The following SORCS3 variants were observed in gnomAD, a reference collection of about 807,000 sequenced individuals.
The protein encoded by SORCS3 is sortilin related VPS10 domain containing receptor 3, also known as VPS10 domain-containing receptor SorCS3.
Under a neutral mutation model 146.3 loss-of-function variants are expected in SORCS3, and 57 were observed. The ratio of observed to expected loss-of-function variants is 0.39; its 90% CI spans 0.31 to 0.49. The LOEUF (loss-of-function observed/expected upper bound fraction) is 0.49, where lower values mean the gene tolerates loss of function less well. Among genes scored for constraint, SORCS3 ranks in the 20% least tolerant of loss-of-function variants. The pLI is 0.92. For missense variants in SORCS3, 1,341 were observed against 1,575.5 expected, an observed-to-expected ratio of 0.85 and a Z score of 2.52; for synonymous variants, 653 against 618.5, an observed-to-expected ratio of 1.06 and a Z score of -0.83.
At chr10:105,162,900 C>G (rs2056277838) in intron 11 of SORCS3, among the ~76,000 whole-genome samples, 1 of 151,868 alleles carries the variant, frequency 6.6e-6, no homozygotes, top group African/African-American at 2.4e-5. Context: ...TCTATTCTGT[C>G]AAAACCAAAG....
chr10:104,921,130 T>G (rs2019082371), intron 3 of SORCS3, among the ~76,000 whole-genome samples: 1 of 152,200 alleles, frequency 6.6e-6, no homozygotes. Context: ...AGCTTCTCCT[T>G]CCCCTTGCAT....
chr10:105,226,261 C>T (rs938372349), intron 20 of SORCS3, among the ~76,000 whole-genome samples: 1 of 151,822 alleles, frequency 6.6e-6, no homozygotes, highest in Non-Finnish European at 1.5e-5. Context: ...GACTTTTTAT[C>T]ATTAACGATG....
chr10:105,236,784 G>A (rs556749547), intron 20 of SORCS3, among the ~76,000 whole-genome samples: 63 of 152,236 alleles, frequency 4.1e-4, no homozygotes, highest in South Asian at 2.9e-3. Context: ...AATTATCTGT[G>A]TTAAATTGAA....
chr10:104,944,702 A>C (rs918320151), intron 3 of SORCS3, among the ~76,000 whole-genome samples: 1 of 152,220 alleles, frequency 6.6e-6, no homozygotes, highest in Non-Finnish European at 1.5e-5. Flanking sequence ...AGATAATATC[A>C]AGTGTTGGCA....
chr10:104,999,862 A>T (rs1328753382), intron 4 of SORCS3, among the ~76,000 whole-genome samples: 1 of 152,046 alleles, frequency 6.6e-6, no homozygotes, highest in East Asian at 1.9e-4. Context: ...TCCTGTGATT[A>T]TTTTATCCCA....
At chr10:104,892,721 C>CA (rs370321831) in intron 2 of SORCS3, among the ~76,000 whole-genome samples, 91 of 146,506 alleles carry the variant, frequency 6.2e-4, no homozygotes, top group African/African-American at 1.4e-3. Context: ...GATTCTGCCT[C>CA]AAAAAAAAAA....
chr10:105,048,746 A>T (rs1329170485), intron 5 of SORCS3, among the ~76,000 whole-genome samples: 1 of 152,062 alleles, frequency 6.6e-6, no homozygotes, highest in Non-Finnish European at 1.5e-5. Flanking sequence ...GTTTCAAGAC[A>T]GTCTTTCCTT....
intron 1 of SORCS3, chr10:104,664,746 C>T (rs1425127323): frequency 6.6e-6 from 1 of 152,228 alleles, no homozygotes; most frequent in Non-Finnish European, 1.5e-5. Flanking sequence ...TGTGCTTGGG[C>T]TCAGTATTCA....
At chr10:104,686,978 T>TATCC (rs1421566733) in intron 1 of SORCS3, among the ~76,000 whole-genome samples, 1 of 151,918 alleles carries the variant, frequency 6.6e-6, no homozygotes, top group Admixed American at 6.6e-5. Context: ...TCCATTCATC[T>TATCC]ATCCATCCAT....
intron 3 of SORCS3, among the ~76,000 whole-genome samples, chr10:104,940,204 T>TATATATATATATA (rs2019297625): frequency 1.9e-5 from 1 of 53,020 alleles, no homozygotes; most frequent in African/African-American, 4.6e-5. Flanking sequence ...TCCTTTTCTT[T>TATATATATATATA]TATATATATA....
At chr10:104,817,377 CTCCCCCTCCTCCTCCTCCT>C (rs1369848348) in intron 1 of SORCS3, among the ~76,000 whole-genome samples, 7 of 99,984 alleles carry the variant, frequency 7.0e-5, no homozygotes, top group Admixed American at 9.9e-5. Flanking sequence ...TCTCCCCTTC[CTCCCCCTCCTCCTCCTCCT>C]TCCCCCTCCT....
intron 1 of SORCS3, among the ~76,000 whole-genome samples, chr10:104,710,650 T>G (rs2016404239): frequency 6.6e-6 from 1 of 152,154 alleles, no homozygotes; most frequent in African/African-American, 2.4e-5. Flanking sequence ...AGGTTTATGC[T>G]CATCTTCAGA....
At chr10:105,167,153 C>T (rs1416332854) in intron 12 of SORCS3, 105 bp from the exon 13 acceptor site, 2 of 868,750 alleles carry the variant, frequency 2.3e-6, no homozygotes, top group East Asian at 5.1e-5. Flanking sequence ...TGTTGGAAGG[C>T]TCAGAACCTA....
intron 1 of SORCS3, among the ~76,000 whole-genome samples, chr10:104,768,289 G>C (rs1193611503): frequency 6.6e-6 from 1 of 152,204 alleles, no homozygotes; most frequent in Non-Finnish European, 1.5e-5. Flanking sequence ...GAATCATTTA[G>C]AGCAGTCACT....
At chr10:104,826,257 G>T (rs1057218064) in intron 1 of SORCS3, among the ~76,000 whole-genome samples, 10 of 152,188 alleles carry the variant, frequency 6.6e-5, no homozygotes, top group African/African-American at 2.2e-4. Flanking sequence ...ATGTTAGCAT[G>T]CTCACCTTGG....
chr10:104,699,118 C>T (rs1168650179), intron 1 of SORCS3, among the ~76,000 whole-genome samples: 4 of 152,078 alleles, frequency 2.6e-5, no homozygotes, highest in African/African-American at 4.8e-5. Flanking sequence ...ATTCCTGGGA[C>T]GTTTTGCAAA....
chr10:105,177,214 A>G (rs1243649095), intron 13 of SORCS3, among the ~76,000 whole-genome samples: 1 of 152,166 alleles, frequency 6.6e-6, no homozygotes, highest in Non-Finnish European at 1.5e-5. Context: ...TTATGGAAAT[A>G]GAGTAGAATT....
chr10:104,888,352 C>G (rs10509777), intron 2 of SORCS3, among the ~76,000 whole-genome samples: 1 of 152,000 alleles, frequency 6.6e-6, no homozygotes, highest in Non-Finnish European at 1.5e-5. Flanking sequence ...GCTGGCCGAT[C>G]CAAGAAATTG....
At chr10:104,695,868 A>G (rs1431269577) in intron 1 of SORCS3, among the ~76,000 whole-genome samples, 1 of 149,902 alleles carries the variant, frequency 6.7e-6, no homozygotes, top group Non-Finnish European at 1.5e-5. Flanking sequence ...GCATTAATTC[A>G]CAATAGTCAA....
Sources: allele counts gnomAD v4.1 joint callset (sites outside exome capture counted in the v4.1 genomes callset), GRCh38; gene constraint gnomAD v4.1.1; transcripts MANE v1.5; gene names NCBI Gene and HGNC (gene_info 2026-07-23, HGNC 2026-07-21).